The following HMBOX1 variants were observed in gnomAD, a reference collection of about 807,000 sequenced individuals.
The protein encoded by HMBOX1 is homeobox containing 1, also known as homeobox-containing protein 1.
Under a neutral mutation model 54.5 loss-of-function variants are expected in HMBOX1, and 14 were observed. That is an observed-to-expected ratio of 0.26 (90% CI 0.17 to 0.40). The LOEUF is 0.40. HMBOX1 is among the 10% of genes least tolerant of loss of function. The pLI is 1.00. For missense variants in HMBOX1, 332 were observed against 514.4 expected, an observed-to-expected ratio of 0.65 and a Z score of 3.43; for synonymous variants, 160 against 181.0, an observed-to-expected ratio of 0.88 and a Z score of 0.93.
rs79163444 is a variant in HMBOX1, at chr8:29,037,472, C to T, written c.852-7889C>T. On this transcript the variant is annotated intron_variant, in intron 6 of 9. Transcript: ENST00000287701. ...TTAATATATAAAATTGAGGGATACA[C>T]AGGAAAATATAAAGAAAATTAAAAT... is the stretch of plus-strand genomic sequence containing the variant. Among the ~76,000 whole-genome samples the T allele has an allele frequency of 3.9e-3, 596 of 152,126 alleles. 10 individuals carry two copies. In the East Asian group the frequency reaches 0.055, roughly 14 times the overall value.
intron 4 of HMBOX1, among the ~76,000 whole-genome samples, chr8:29,004,822 A>G (rs1833186861): frequency 1.3e-5 from 2 of 152,136 alleles, no homozygotes; most frequent in Admixed American, 6.5e-5. Flanking sequence ...ATCAAAGCTG[A>G]TAGTATCGAG....
intron 1 of HMBOX1, among the ~76,000 whole-genome samples, chr8:28,898,088 T>C (rs1812510052): frequency 6.6e-6 from 1 of 152,224 alleles, no homozygotes; most frequent in African/African-American, 2.4e-5. Flanking sequence ...TCCAATATAC[T>C]ATCGATTATT....
chr8:28,912,529 C>G (rs1288455939), intron 1 of HMBOX1, among the ~76,000 whole-genome samples: 1 of 152,184 alleles, frequency 6.6e-6, no homozygotes, highest in Admixed American at 6.5e-5. Context: ...CTCCAAAACT[C>G]TTTTTCACAA....
intron 1 of HMBOX1, among the ~76,000 whole-genome samples, chr8:28,951,430 C>T (rs769346369): frequency 5.3e-5 from 8 of 152,016 alleles, no homozygotes; most frequent in Non-Finnish European, 8.8e-5. Context: ...TGCGCCCGGC[C>T]CAAATAATAT....
At chr8:29,036,536 A>G (rs989854022) in intron 6 of HMBOX1, among the ~76,000 whole-genome samples, 2 of 152,184 alleles carry the variant, frequency 1.3e-5, no homozygotes, top group Non-Finnish European at 2.9e-5. Flanking sequence ...GAGCAATTAG[A>G]TTTCCTTTCC....
chr8:29,006,939 T>G (rs1027165233), intron 4 of HMBOX1, among the ~76,000 whole-genome samples: 2 of 152,182 alleles, frequency 1.3e-5, no homozygotes, highest in African/African-American at 4.8e-5. Flanking sequence ...TAATTTTATT[T>G]TGTTGACATG....
chr8:28,965,055 C>T (rs1434921748), intron 2 of HMBOX1, among the ~76,000 whole-genome samples: 1 of 152,140 alleles, frequency 6.6e-6, no homozygotes, highest in African/African-American at 2.4e-5. Flanking sequence ...AGAGTTAAGA[C>T]GTCTAATGGC....
chr8:28,971,972 A>C (rs1827501658), intron 3 of HMBOX1, among the ~76,000 whole-genome samples: 1 of 152,244 alleles, frequency 6.6e-6, no homozygotes, highest in Non-Finnish European at 1.5e-5. Flanking sequence ...TTTAAACTTC[A>C]AGATGGAATA....
intron 6 of HMBOX1, among the ~76,000 whole-genome samples, chr8:29,036,276 T>C (rs914396547): frequency 6.6e-6 from 1 of 152,240 alleles, no homozygotes; most frequent in Non-Finnish European, 1.5e-5. Flanking sequence ...TAATTCTTAT[T>C]CTCATGTATG....
chr8:28,989,356 C>T (rs532967656), intron 4 of HMBOX1, among the ~76,000 whole-genome samples: 1 of 151,642 alleles, frequency 6.6e-6, no homozygotes, highest in South Asian at 2.1e-4. Context: ...ATAGTTTTAG[C>T]TCTTACATTA....
At chr8:29,003,282 A>T (rs1445583207) in intron 4 of HMBOX1, among the ~76,000 whole-genome samples, 2 of 151,722 alleles carry the variant, frequency 1.3e-5, no homozygotes, top group African/African-American at 4.8e-5. Flanking sequence ...TTGCATCATA[A>T]TTTATAATAG....
intron 2 of HMBOX1, 81 bp downstream of exon 2, chr8:28,963,971 T>A (rs917997132): frequency 1.8e-6 from 2 of 1,116,918 alleles, no homozygotes; most frequent in African/African-American, 3.1e-5. Context: ...ATGATCCAGA[T>A]TTGACAACAG....
intron 6 of HMBOX1, among the ~76,000 whole-genome samples, chr8:29,041,124 ATG>A (rs200854696): frequency 1.3e-5 from 2 of 150,390 alleles, no homozygotes; most frequent in Non-Finnish European, 3.0e-5. Flanking sequence ...TAAAAATAGC[ATG>A]TGTTTATTTC....
intron 1 of HMBOX1, among the ~76,000 whole-genome samples, chr8:28,961,635 G>A (rs777993224): frequency 2.5e-4 from 38 of 152,118 alleles, no homozygotes; most frequent in Middle Eastern, 3.4e-3. Flanking sequence ...CCCACATTTG[G>A]CTTTTGTGAA....
intron 3 of HMBOX1, among the ~76,000 whole-genome samples, chr8:28,973,374 A>G (rs894417709): frequency 3.3e-5 from 5 of 152,190 alleles, no homozygotes; most frequent in Non-Finnish European, 7.3e-5. Flanking sequence ...GTAGATTTTA[A>G]TAAGATTTTA....
At chr8:29,014,153 AATTTTT>A (rs1434541682) in intron 5 of HMBOX1, among the ~76,000 whole-genome samples, 1 of 152,186 alleles carries the variant, frequency 6.6e-6, no homozygotes, top group Non-Finnish European at 1.5e-5. Context: ...ACACTTACCA[AATTTTT>A]ATATGTCTTA....
intron 6 of HMBOX1, among the ~76,000 whole-genome samples, chr8:29,034,291 C>T (rs1422679935): frequency 2.0e-5 from 3 of 152,106 alleles, no homozygotes; most frequent in Non-Finnish European, 2.9e-5. Context: ...GTGTCTCATC[C>T]AAATATTCTA....
Position 29,036,756 on chromosome 8 carries a change from T to C in HMBOX1, c.852-8605T>C, listed in dbSNP as rs1031922187. ...CATGTCTTAGCTGAGTAGTGGCTGTTCCTGAGCCAGTGAACTAATAAGTCA... is the reference window on the plus strand; with the variant it reads ...CATGTCTTAGCTGAGTAGTGGCTGTCCCTGAGCCAGTGAACTAATAAGTCA... On this transcript the variant is annotated intron_variant, in intron 6 of 9. Transcript: ENST00000287701. Among the ~76,000 whole-genome samples, 3 of 152,192 alleles carry C rather than the reference T, an allele frequency of 2.0e-5. No homozygotes were observed. In the South Asian group the frequency reaches 6.2e-4, roughly 32 times the overall value.
intron 1 of HMBOX1, among the ~76,000 whole-genome samples, chr8:28,916,366 C>A (rs1816547266): frequency 6.6e-6 from 1 of 152,162 alleles, no homozygotes; most frequent in Non-Finnish European, 1.5e-5. Flanking sequence ...TGGGATATAA[C>A]CCAGGATCAC....
Sources: allele counts gnomAD v4.1 joint callset (sites outside exome capture counted in the v4.1 genomes callset), GRCh38; gene constraint gnomAD v4.1.1; transcripts MANE v1.5; gene names NCBI Gene and HGNC (gene_info 2026-07-23, HGNC 2026-07-21).